The following ATG9A variants were observed in gnomAD, a reference collection of about 807,000 sequenced individuals.
ATG9A encodes autophagy related 9A.
ATG9A carries 21 observed loss-of-function variants against 87.1 expected under a neutral mutation model. The observed-to-expected ratio is 0.24, with a 90% CI of 0.17 to 0.35. The LOEUF is 0.35. Ranked by LOEUF, ATG9A falls within the 10% of genes least tolerant of loss-of-function variation. ATG9A has a pLI of 1.00. For synonymous variants in ATG9A, 422 were observed against 441.3 expected (o/e 0.96, Z 0.55); for missense variants, 836 against 1,107.3 (o/e 0.76, Z 3.48).
chr2:219,226,461 G>C (rs192526360), intron 5 of ATG9A, among the ~76,000 whole-genome samples: 252 of 152,222 alleles, frequency 1.7e-3, no homozygotes, highest in African/African-American at 5.9e-3. Context: ...GAGGCGGGCA[G>C]ATAACCCGAG....
rs898482524 is a variant in ATG9A, at chr2:219,222,546, GAA to G, written c.1848+97_1849-97del. ...ATCTCAGGCCCCAGTGGCACATACT[GAA>G]GAGACAGCAGGAAGCCTTCCACCCC... On this transcript the variant is annotated intron_variant, in intron 11 of 15. Transcript: ENST00000361242. The surrounding 1 kb of genome is among the most constrained non-coding windows in gnomAD (Gnocchi z 4.3). 6.3e-7 allele frequency: 1 copy of G among 1,578,396 alleles called. No homozygotes were observed. The highest frequency in any genetic ancestry group is 1.3e-5 in the African/African-American group (1 of 74,258).
Position 219,222,102 on chromosome 2 carries a change from A to C in ATG9A, c.2093T>G (p.Leu698Arg). 6.2e-7 allele frequency: 1 copy of C among 1,614,088 alleles called. No homozygotes were observed. The highest frequency in any genetic ancestry group is 2.2e-5 in the East Asian group (1 of 44,882). Residue 698 changes from leucine to arginine, a missense_variant, in exon 13 of 16, where the codon CTG becomes CGG. By Grantham distance (102) the Leu-to-Arg change is moderately radical. Coordinates refer to ENST00000361242, the MANE Select transcript of ATG9A (RefSeq NM_001077198.3). The surrounding 1 kb of genome is among the most constrained non-coding windows in gnomAD (Gnocchi z 4.3). ...VWEGQLQSLV[L>R]SEYASTEMSL... is the part of the protein sequence containing the mutation. ...CATCTCTGTGGATGCATATTCTGAC[A>C]GCACCAGGCTCTGCAGCTGTCCTTC...
rs774420690 is a variant in ATG9A at position 219,224,797 on chromosome 2, T to G, written c.574A>C (p.Lys192Gln). 1 of 1,614,180 alleles carries G rather than the reference T, an allele frequency of 6.2e-7. No individual in the cohort carries two copies. Among genetic ancestry groups the G allele is most frequent in the Admixed American group, 1.7e-5 (1 of 60,030 alleles). Residue 192 changes from lysine (K) to glutamine (Q), a missense_variant, in exon 8 of 16, where the codon AAG (lysine) becomes CAG (glutamine). Physicochemically the swap from Lys to Gln is moderately conservative, Grantham distance 53. Coordinates refer to ENST00000361242, the MANE Select transcript of ATG9A (RefSeq NM_001077198.3). This position sits in a 1 kb window ranked among gnomAD's most constrained non-coding sequence, Gnocchi z 7.7. Reference sequence around the variant, plus strand: ...TTGTGGATGCAGATCTGGTGCTCCTTCTGCGTCTGCACGATCCGGGCCTGC... The same window carrying G: ...TTGTGGATGCAGATCTGGTGCTCCTGCTGCGTCTGCACGATCCGGGCCTGC... ...EVQARIVQTQ[K>Q]EHQICIHKRE...
Position 219,223,657 on chromosome 2 carries a change from G to A in ATG9A, c.1527C>T (p.Thr509=), listed in dbSNP as rs758314289. The change falls in exon 10 of 16, where the codon ACC becomes ACT. Residue 509 remains threonine, a synonymous_variant. Coordinates refer to ENST00000361242, the MANE Select transcript of ATG9A (RefSeq NM_001077198.3). The surrounding 1 kb of genome is among the most constrained non-coding windows in gnomAD (Gnocchi z 4.7). ...TATCTCCCACACCAACGACCTCCAC[G>A]GTGAAGTTTCGGAAGAAGTCTATAA... The part of the protein sequence containing the change: ...LEIIDFFRNF[T]VEVVGVGDTC... 14 of 1,613,718 alleles carry A rather than the reference G, an allele frequency of 8.7e-6. No individual in the cohort carries two copies. Among genetic ancestry groups the A allele is most frequent in the African/African-American group, 2.7e-5 (2 of 74,870 alleles).
At position 219,222,385 on chromosome 2, in the gene ATG9A, G is replaced by C. The variant is rs1223774464; in HGVS notation, c.1914C>G (p.Asp638Glu). The change falls in exon 12 of 16, where the codon GAC becomes GAG. Residue 638 changes from aspartate (D) to glutamate (E), a missense_variant. Transcript: ENST00000361242. This position sits in a 1 kb window ranked among gnomAD's most constrained non-coding sequence, Gnocchi z 4.3. ...SSCRGPPLPR[D>E]LQGSRHRAEV... is the part of the protein sequence containing the mutation. Reference sequence around the variant, plus strand: ...CAGCCCTGTGCCTGGAGCCCTGCAGGTCTCTGGGCAGTGGAGGGCCCCGGC... The same window carrying C: ...CAGCCCTGTGCCTGGAGCCCTGCAGCTCTCTGGGCAGTGGAGGGCCCCGGC... 4 of 1,605,436 alleles carry C rather than the reference G, an allele frequency of 2.5e-6. No individual in the cohort carries two copies. Among genetic ancestry groups the C allele is most frequent in the Non-Finnish European group, 3.4e-6 (4 of 1,176,064 alleles).
chr2:219,220,488 T>A, intron 15 of ATG9A, 36 bp from the exon 16 acceptor site: 1 of 1,613,028 alleles, frequency 6.2e-7, no homozygotes, highest in African/African-American at 1.3e-5. Flanking sequence ...GAGATAGTCT[T>A]CAGCTTCTGG....
chr2:219,224,371 G>C lies in ATG9A; in HGVS notation c.1000C>G (p.Leu334Val). 1 of 1,613,874 alleles carries C rather than the reference G, an allele frequency of 6.2e-7. No homozygotes were observed. Among genetic ancestry groups the C allele is most frequent in the Non-Finnish European group, 8.5e-7 (1 of 1,180,040 alleles). Residue 334 changes from leucine (L) to valine (V), a missense_variant, in exon 8 of 16, where the codon CTC (leucine) becomes GTC (valine). By Grantham distance (32) the Leu-to-Val change is conservative. Transcript: ENST00000361242. The surrounding 1 kb of genome is among the most constrained non-coding windows in gnomAD (Gnocchi z 7.7). ...TGGCGGAGGTAGCAGCGGCCATAGA[G>C]TGACCAGCAGCGTGCTCCCAGGGCC... is the stretch of plus-strand genomic sequence containing the variant. The part of the protein sequence containing the change: ...PGALGARCWS[L>V]YGRCYLRHFN...
At position 219,220,141 on chromosome 2, in the gene ATG9A, G is replaced by A. The variant is rs1468188631; in HGVS notation, c.*306C>T. Reference sequence around the variant, plus strand: ...GGGCAGCCCTCTGGGGACTTGCAGGGGTAGGTGTAAAGGTGGCAGTACTGG... The same window carrying A: ...GGGCAGCCCTCTGGGGACTTGCAGGAGTAGGTGTAAAGGTGGCAGTACTGG... On this transcript the variant is annotated 3_prime_UTR_variant, in exon 16 of 16. Transcript: ENST00000361242. 8 of 424,824 alleles carry A rather than the reference G, an allele frequency of 1.9e-5. No homozygotes were observed. The highest frequency in any genetic ancestry group is 3.0e-5 in the Non-Finnish European group (7 of 234,746). 26.3% of individuals were successfully genotyped at this position (424,824 alleles called of 1,614,324 possible).
In ATG9A at chr2:219,228,114, C is replaced by T. The variant is rs568420687; in HGVS notation, c.-29-61G>A. The T allele has an allele frequency of 8.0e-5, 91 of 1,142,264 alleles. No homozygotes were observed. In the African/African-American group the frequency reaches 1.3e-3, roughly 16 times the overall value. 70.8% of individuals were successfully genotyped at this position (1,142,264 alleles called of 1,614,324 possible). On this transcript the variant is annotated intron_variant, in intron 2 of 15. Coordinates refer to ENST00000361242, the MANE Select transcript of ATG9A (RefSeq NM_001077198.3). ...TTCCAGCTGCTGCCCATGGGCTGCC[C>T]TGCCTACTGCCAAAAGGAGAAAGTA...
At position 219,222,802 on chromosome 2, in the gene ATG9A, T is replaced by C; in HGVS notation, c.1691A>G (p.Asn564Ser). 6.2e-7 allele frequency: 1 copy of C among 1,614,202 alleles called. No individual in the cohort carries two copies. The highest frequency in any genetic ancestry group is 8.5e-7 in the Non-Finnish European group (1 of 1,180,022). The stretch of plus-strand genomic sequence containing the variant: ...CTCACGTGGTGGCTGCCAGCCAGGG[T>C]TGGTGATGGCAAAGTGCATGAGTGA... ...ELSLMHFAIT[N>S]PGWQPPREST... is the part of the protein sequence containing the mutation. Residue 564 changes from asparagine to serine, a missense_variant, in exon 11 of 16, where the codon AAC becomes AGC. Physicochemically the swap from Asn to Ser is conservative, Grantham distance 46. This residue lies in a region of ATG9A where 512 missense variants were observed against 759.6 expected (regional missense o/e 0.67). Transcript: ENST00000361242. This position sits in a 1 kb window ranked among gnomAD's most constrained non-coding sequence, Gnocchi z 4.3.
At position 219,224,965 on chromosome 2, in the gene ATG9A, T is replaced by C; in HGVS notation, c.516+106A>G. 6.4e-7 allele frequency: 1 copy of C among 1,574,192 alleles called. No individual in the cohort carries two copies. Among genetic ancestry groups the C allele is most frequent in the Non-Finnish European group, 8.7e-7 (1 of 1,151,318 alleles). Reference sequence around the variant, plus strand: ...AGGGGTTGTGAGCTTAAGAGACAGTTCCTGATTTGTCAATGACAGATAAGG... The same window carrying C: ...AGGGGTTGTGAGCTTAAGAGACAGTCCCTGATTTGTCAATGACAGATAAGG... On this transcript the variant is annotated intron_variant, in intron 7 of 15. Transcript: ENST00000361242. This position sits in a 1 kb window ranked among gnomAD's most constrained non-coding sequence, Gnocchi z 7.7.
chr2:219,229,576 C>G lies in ATG9A; in HGVS notation c.-123G>C, dbSNP rs1559249308. 6.5e-6 allele frequency: 1 copy of G among 152,786 alleles called. No individual in the cohort carries two copies. The highest frequency in any genetic ancestry group is 1.9e-4 in the East Asian group (1 of 5,166). 9.5% of individuals were successfully genotyped at this position (152,786 alleles called of 1,614,324 possible). ...CGGGTGATTCCAGAGGCTCCGCCGG[C>G]TCCGCTCGGCTCGGCTCGGCTCGGC... On this transcript the variant is annotated 5_prime_UTR_variant, in exon 1 of 16. Transcript: ENST00000361242. This position sits in a 1 kb window ranked among gnomAD's most constrained non-coding sequence, Gnocchi z 4.2.
rs1950809692 is a variant in ATG9A, at chr2:219,223,739, C to T, written c.1445G>A (p.Ser482Asn). 6.2e-7 allele frequency: 1 copy of T among 1,612,740 alleles called. No homozygotes were observed. The highest frequency in any genetic ancestry group is 1.3e-5 in the African/African-American group (1 of 74,820). Reference sequence around the variant, plus strand: ...GAGGATGAGGGGTGTGACAATGGGGCTCAGCAACTCTTCCAAAATGAACAC... The same window carrying T: ...GAGGATGAGGGGTGTGACAATGGGGTTCAGCAACTCTTCCAAAATGAACAC... ...KAVFILEELL[S>N]PIVTPLILIF... The change falls in exon 10 of 16, where the codon AGC becomes AAC. Residue 482 changes from serine to asparagine, a missense_variant. Coordinates refer to ENST00000361242, the MANE Select transcript of ATG9A (RefSeq NM_001077198.3). This position sits in a 1 kb window ranked among gnomAD's most constrained non-coding sequence, Gnocchi z 4.7.
rs949468732 is a variant in ATG9A at position 219,226,858 on chromosome 2, C to G, written c.212+11G>C. On this transcript the variant is annotated intron_variant, in intron 5 of 15. Coordinates refer to ENST00000361242, the MANE Select transcript of ATG9A (RefSeq NM_001077198.3). Reference sequence around the variant, plus strand: ...TCTTTCACCACATCATCTGTCCCTTCTTATACTTACATGAGCTCAAAGATC... The same window carrying G: ...TCTTTCACCACATCATCTGTCCCTTGTTATACTTACATGAGCTCAAAGATC... 1.9e-6 allele frequency: 3 copies of G among 1,607,288 alleles called. No individual in the cohort carries two copies. The African/African-American group carries it at 4.0e-5, about 21-fold the overall frequency.
chr2:219,225,861 GTC>G (rs77677301), intron 5 of ATG9A, among the ~76,000 whole-genome samples: 6,561 of 152,318 alleles, frequency 0.043, 271 homozygotes, highest in East Asian at 0.11. Context: ...CTGATCTCCA[GTC>G]TCTGATTTCC....
In ATG9A at chr2:219,224,482, T is replaced by C; in HGVS notation, c.889A>G (p.Asn297Asp). The C allele has an allele frequency of 1.9e-6, 3 of 1,614,074 alleles. No individual in the cohort carries two copies. Among genetic ancestry groups the C allele is most frequent in the Non-Finnish European group, 2.5e-6 (3 of 1,179,978 alleles). ...AGGATGAGGGGGCACAGCAGGAAGT[T>C]AGCGATGCCAATCCACAGGATGCGG... ...SNRILWIGIA[N>D]FLLCPLILIW... Residue 297 changes from asparagine (N) to aspartate (D), a missense_variant, in exon 8 of 16, where the codon AAC becomes GAC. Asn to Asp is a conservative substitution (Grantham distance 23). Coordinates refer to ENST00000361242, the MANE Select transcript of ATG9A (RefSeq NM_001077198.3). The surrounding 1 kb of genome is among the most constrained non-coding windows in gnomAD (Gnocchi z 7.7).
intron 5 of ATG9A, among the ~76,000 whole-genome samples, chr2:219,226,426 T>TATA (rs1365641523): frequency 6.6e-6 from 1 of 152,236 alleles, no homozygotes; most frequent in Non-Finnish European, 1.5e-5. Context: ...GGCTCATGCC[T>TATA]ATAATCCCGG....
Position 219,222,143 on chromosome 2 carries a change from G to A in ATG9A, c.2052C>T (p.Ser684=), listed in dbSNP as rs755973788. ...GSGVDARTAS[S]GSSVWEGQLQ... ...GCTGTCCTTCCCACACGCTGCTCCCGGAGCTGGCTGTCCTGGCATCCACCC... is the reference window on the plus strand; with the variant it reads ...GCTGTCCTTCCCACACGCTGCTCCCAGAGCTGGCTGTCCTGGCATCCACCC... The change falls in exon 13 of 16, where the codon TCC becomes TCT. Residue 684 remains serine (S), a synonymous_variant. Transcript: ENST00000361242. The surrounding 1 kb of genome is among the most constrained non-coding windows in gnomAD (Gnocchi z 4.3). The A allele has an allele frequency of 2.2e-5, 36 of 1,613,738 alleles. No individual in the cohort carries two copies. Among genetic ancestry groups the A allele is most frequent in the African/African-American group, 5.3e-5 (4 of 74,890 alleles).
Position 219,229,375 on chromosome 2 carries a change from C to A in ATG9A, c.-82+160G>T, listed in dbSNP as rs1298703845. The stretch of plus-strand genomic sequence containing the variant: ...CGGCGCCCGCGCGCGCCCCCGTCTG[C>A]GCGCGCCAGCAATCAAAACATTCCG... On this transcript the variant is annotated intron_variant, in intron 1 of 15. Coordinates refer to ENST00000361242, the MANE Select transcript of ATG9A (RefSeq NM_001077198.3). The surrounding 1 kb of genome is among the most constrained non-coding windows in gnomAD (Gnocchi z 4.2). 7.9e-5 allele frequency: 12 copies of A among 151,656 alleles called. No homozygotes were observed. The highest frequency in any genetic ancestry group is 7.9e-4 in the Admixed American group (12 of 15,260). The allele number at this position is 151,656 out of a possible 1,614,324, so 9.4% of individuals were successfully genotyped here.
Sources: gnomAD v4.1 joint callset for allele counts (sites outside exome capture counted in the v4.1 genomes callset) on GRCh38, gnomAD v4.1.1 for gene constraint, gnomAD v4.1.1 regional missense constraint, Gnocchi (gnomAD v3.1) non-coding constraint, MANE v1.5 for transcripts, NCBI Gene and HGNC (gene_info 2026-07-23, HGNC 2026-07-21) for gene names.